MDGA2: variants seen among roughly 807,000 people sequenced by gnomAD.
MDGA2 encodes the protein MAM domain-containing glycosylphosphatidylinositol anchor protein 2.
Under a neutral mutation model 117.8 loss-of-function variants are expected in MDGA2, and 40 were observed. The observed-to-expected ratio is 0.34, with a 90% CI of 0.26 to 0.44. MDGA2 has a LOEUF of 0.44. Ranked by LOEUF, MDGA2 falls within the 20% of genes least tolerant of loss-of-function variation. The pLI is 1.00. For synonymous variants in MDGA2, 452 were observed against 439.0 expected, an observed-to-expected ratio of 1.03 and a Z score of -0.37; for missense variants, 1,123 against 1,250.6, an observed-to-expected ratio of 0.90 and a Z score of 1.54.
intron 8 of MDGA2, chr14:46,960,667 A>G (rs1885759793): frequency 1.3e-5 from 2 of 151,846 alleles, no homozygotes; most frequent in Non-Finnish European, 2.9e-5. Context: ...TTATATATAT[A>G]CACACACATA....
intron 1 of MDGA2, among the ~76,000 whole-genome samples, chr14:47,465,398 C>G (rs1014671762): frequency 6.6e-6 from 1 of 151,974 alleles, no homozygotes; most frequent in African/African-American, 2.4e-5. Flanking sequence ...AACAGACAAC[C>G]TACAGAATGA....
chr14:47,674,998 G>T lies in MDGA2; in HGVS notation c.-202C>A. On this transcript the variant is annotated 5_prime_UTR_variant, in exon 1 of 17. Coordinates refer to ENST00000399232, the MANE Select transcript of MDGA2 (RefSeq NM_001113498.3). ...CTCGAGTCTCCGCAGCTGCGGCGGC[G>T]GCGGCGGCGCGCTGGGCCGGCGGCG... The T allele has an allele frequency of 3.0e-6, 1 of 337,146 alleles. No homozygotes were observed. The highest frequency in any genetic ancestry group is 5.3e-6 in the Non-Finnish European group (1 of 188,178). 20.9% of individuals were successfully genotyped at this position (337,146 alleles called of 1,614,324 possible). A position where few individuals can be genotyped will look rare whatever the true frequency, so the allele number is the denominator to read the frequency against.
chr14:47,245,775 A>G (rs1271736754), intron 2 of MDGA2, among the ~76,000 whole-genome samples: 2 of 151,840 alleles, frequency 1.3e-5, no homozygotes, highest in Non-Finnish European at 2.9e-5. Flanking sequence ...GTCGTTCATT[A>G]CCTAGTTGGA....
At chr14:47,248,996 C>T (rs1191040224) in intron 2 of MDGA2, among the ~76,000 whole-genome samples, 5 of 120,874 alleles carry the variant, frequency 4.1e-5, no homozygotes, top group Non-Finnish European at 8.4e-5. Context: ...TTCTTTCTTT[C>T]ATTCTTTCTT....
chr14:47,582,236 G>A (rs986411941), intron 1 of MDGA2, among the ~76,000 whole-genome samples: 1 of 151,780 alleles, frequency 6.6e-6, no homozygotes, highest in South Asian at 2.1e-4. Flanking sequence ...AAAAGAGGGA[G>A]GAAGAAAGGA....
chr14:47,259,018 C>G (rs973058700), intron 2 of MDGA2, among the ~76,000 whole-genome samples: 47 of 152,086 alleles, frequency 3.1e-4, no homozygotes, highest in African/African-American at 1.1e-3. Flanking sequence ...GAATTGAAAA[C>G]CACCTTAGTT....
chr14:47,191,291 T>C (rs1409467342), intron 3 of MDGA2, among the ~76,000 whole-genome samples: 1 of 151,570 alleles, frequency 6.6e-6, no homozygotes, highest in Non-Finnish European at 1.5e-5. Context: ...TATATATCTA[T>C]ATTTTTAAAG....
intron 1 of MDGA2, among the ~76,000 whole-genome samples, chr14:47,589,703 A>G (rs906483532): frequency 2.0e-5 from 3 of 151,976 alleles, no homozygotes; most frequent in African/African-American, 7.2e-5. Context: ...TCTGCAAAAA[A>G]GGCAGAGGGG....
chr14:47,614,577 G>C (rs1296614269), intron 1 of MDGA2, among the ~76,000 whole-genome samples: 1 of 152,166 alleles, frequency 6.6e-6, no homozygotes, highest in Non-Finnish European at 1.5e-5. Flanking sequence ...ATATAAATTA[G>C]AAGTGTTCAC....
chr14:47,465,616 A>C lies in MDGA2; in HGVS notation c.281-164066T>G, dbSNP rs374583358. ...ACTGATCATTAGAGAAATACAAATCAAAACCACAATGAGATATCATCTCAC... is the reference window on the plus strand; with the variant it reads ...ACTGATCATTAGAGAAATACAAATCCAAACCACAATGAGATATCATCTCAC... On this transcript the variant is annotated intron_variant, in intron 1 of 16. Coordinates refer to ENST00000399232, the MANE Select transcript of MDGA2 (RefSeq NM_001113498.3). Among the ~76,000 whole-genome samples, 52 of 152,312 alleles carry C rather than the reference A, an allele frequency of 3.4e-4. No homozygotes were observed. In the East Asian group the frequency reaches 3.9e-3, roughly 11 times the overall value.
chr14:47,088,389 C>T (rs1417065657), intron 6 of MDGA2, among the ~76,000 whole-genome samples: 3 of 152,100 alleles, frequency 2.0e-5, no homozygotes, highest in South Asian at 4.1e-4. Context: ...AATTGGGACA[C>T]CTGCACACAG....
chr14:46,934,477 C>T (rs1416303466), intron 9 of MDGA2, among the ~76,000 whole-genome samples: 3 of 152,118 alleles, frequency 2.0e-5, no homozygotes, highest in African/African-American at 7.2e-5. Context: ...TTGGCTTGAA[C>T]TGCAAATCTT....
intron 8 of MDGA2, among the ~76,000 whole-genome samples, chr14:46,959,267 G>A (rs796772792): frequency 0.072 from 9,594 of 132,814 alleles, 566 homozygotes; most frequent in Admixed American, 0.19. Flanking sequence ...GTGTGTGTGT[G>A]TGTGTGTGTG....
intron 1 of MDGA2, among the ~76,000 whole-genome samples, chr14:47,660,173 G>T (rs953563433): frequency 3.9e-5 from 6 of 152,156 alleles, no homozygotes; most frequent in African/African-American, 1.4e-4. Context: ...CAGCCAGACT[G>T]AATTAAGAGT....
At chr14:47,647,381 C>T (rs896225580) in intron 1 of MDGA2, among the ~76,000 whole-genome samples, 19 of 151,956 alleles carry the variant, frequency 1.3e-4, no homozygotes, top group African/African-American at 4.6e-4. Flanking sequence ...CTTGGGATGA[C>T]TTTTCCTTAT....
chr14:47,274,507 T>C (rs1366818256), intron 2 of MDGA2, among the ~76,000 whole-genome samples: 1 of 152,168 alleles, frequency 6.6e-6, no homozygotes, highest in Non-Finnish European at 1.5e-5. Context: ...TGTTTCCACT[T>C]TTTGGTACTA....
chr14:47,594,643 T>C (rs1186234362), intron 1 of MDGA2, among the ~76,000 whole-genome samples: 3 of 152,222 alleles, frequency 2.0e-5, no homozygotes, highest in Non-Finnish European at 2.9e-5. Flanking sequence ...GAAACAATTG[T>C]GCTAGTTACT....
intron 1 of MDGA2, among the ~76,000 whole-genome samples, chr14:47,610,467 G>A (rs72670788): frequency 0.28 from 43,210 of 151,790 alleles, 6,585 homozygotes; most frequent in South Asian, 0.47. Context: ...CAAAGTTTCC[G>A]GATACAAGAC....
intron 3 of MDGA2, among the ~76,000 whole-genome samples, chr14:47,211,682 T>G (rs1885888952): frequency 6.6e-6 from 1 of 152,078 alleles, no homozygotes; most frequent in African/African-American, 2.4e-5. Context: ...ACACAAACAC[T>G]CTTGAAAAAA....
Sources: allele counts gnomAD v4.1 joint callset (sites outside exome capture counted in the v4.1 genomes callset), GRCh38; gene constraint gnomAD v4.1.1; transcripts MANE v1.5; gene names NCBI Gene and HGNC (gene_info 2026-07-23, HGNC 2026-07-21).